The following DZIP1L variants were observed in gnomAD, a reference collection of about 807,000 sequenced individuals.
The protein encoded by DZIP1L is DAZ interacting zinc finger protein 1 like.
In DZIP1L, 90 loss-of-function variants were observed where a neutral mutation model predicts 88.7. The ratio of observed to expected loss-of-function variants is 1.02; its 90% confidence interval spans 0.86 to 1.21. DZIP1L has a LOEUF of 1.21. Among genes scored for constraint, DZIP1L ranks in the 50% most tolerant of loss-of-function variants. The probability of loss-of-function intolerance (pLI) is 0.00; values close to 1 mark genes in which losing one functional copy is unlikely to be tolerated. For missense variants in DZIP1L, 932 were observed against 955.8 expected (o/e 0.98, Z 0.33); for synonymous variants, 363 against 372.1 (o/e 0.98, Z 0.28).
intron 7 of DZIP1L, 141 bp downstream of exon 7, chr3:138,086,820 C>A (rs1943962039): frequency 2.4e-6 from 2 of 846,562 alleles, no homozygotes; most frequent in East Asian, 2.5e-5. Flanking sequence ...GGGACAGTAG[C>A]CAGGAGCAAT....
At chr3:138,072,986 C>G (rs1943249481) in intron 11 of DZIP1L, among the ~76,000 whole-genome samples, 1 of 152,138 alleles carries the variant, frequency 6.6e-6, no homozygotes, top group African/African-American at 2.4e-5. Flanking sequence ...TGGGAACACA[C>G]CCTCATCCCC....
intron 15 of DZIP1L, chr3:138,064,402 C>T (rs766064844): frequency 2.1e-6 from 3 of 1,440,984 alleles, no homozygotes; most frequent in East Asian, 2.7e-5. Flanking sequence ...CTGAGCATTG[C>T]TTATATAATG....
Position 138,062,940 on chromosome 3 carries a change from A to T in DZIP1L, c.2180T>A (p.Leu727Ter). ...GTCCAGGTCCAGAGGAAGATCTTCC[A>T]AGGAGGAGATCTCCAAGTCACTCTC... ...EDESDLEISS[L>*]EDLPLDLDQR... Residue 727 changes from leucine to a stop codon, truncating the protein, a stop_gained, in exon 16 of 16, where the codon TTG (leucine) becomes TAG (stop). Transcript: ENST00000327532. LOFTEE classifies it low-confidence loss of function (END_TRUNC). The T allele has an allele frequency of 1.2e-6, 2 of 1,614,200 alleles. No homozygotes were observed. The highest frequency in any genetic ancestry group is 1.7e-6 in the Non-Finnish European group (2 of 1,180,048).
chr3:138,113,017 A>G (rs921538822), intron 1 of DZIP1L, among the ~76,000 whole-genome samples: 1 of 152,264 alleles, frequency 6.6e-6, no homozygotes, highest in African/African-American at 2.4e-5. Flanking sequence ...ACCTTTAGAT[A>G]TATTGACAGG....
intron 9 of DZIP1L, 37 bp from the exon 10 acceptor site, chr3:138,080,657 C>A: frequency 6.2e-7 from 1 of 1,607,262 alleles, no homozygotes; most frequent in South Asian, 1.1e-5. Flanking sequence ...CACCAGTGCT[C>A]TGGACCCCAT....
intron 12 of DZIP1L, among the ~76,000 whole-genome samples, chr3:138,069,987 G>A (rs1226240282): frequency 2.0e-5 from 3 of 152,244 alleles, no homozygotes; most frequent in African/African-American, 4.8e-5. Flanking sequence ...GGAAGGCTGC[G>A]AAGGGGGCTC....
chr3:138,094,720 G>T (rs1944387709), intron 4 of DZIP1L, 142 bp downstream of exon 4: 1 of 1,332,618 alleles, frequency 7.5e-7, no homozygotes, highest in Non-Finnish European at 1.0e-6. Flanking sequence ...CATTTGCCAT[G>T]TCCAAGAAGG....
intron 11 of DZIP1L, among the ~76,000 whole-genome samples, chr3:138,072,786 C>T (rs1023177874): frequency 1.2e-4 from 19 of 152,146 alleles, no homozygotes; most frequent in African/African-American, 4.6e-4. Context: ...CAGCCCTGGT[C>T]ACTGGCTGCT....
intron 2 of DZIP1L, among the ~76,000 whole-genome samples, 154 bp downstream of exon 2, chr3:138,103,317 G>A (rs1227739833): frequency 2.6e-5 from 4 of 151,962 alleles, no homozygotes; most frequent in African/African-American, 9.7e-5. Flanking sequence ...AGGCTCTCTG[G>A]CCATGAGCAG....
intron 2 of DZIP1L, among the ~76,000 whole-genome samples, chr3:138,101,095 A>G (rs960012199): frequency 2.6e-5 from 4 of 152,096 alleles, no homozygotes; most frequent in Admixed American, 2.6e-4. Context: ...CACACCCTCT[A>G]TAAATACACC....
At chr3:138,074,429 A>G (rs372618803) in intron 11 of DZIP1L, among the ~76,000 whole-genome samples, 1 of 152,338 alleles carries the variant, frequency 6.6e-6, no homozygotes, top group South Asian at 2.1e-4. Flanking sequence ...CAAAACAATT[A>G]TCAGCCAAGA....
intron 5 of DZIP1L, among the ~76,000 whole-genome samples, chr3:138,091,021 T>A (rs987026294): frequency 1.3e-5 from 2 of 151,568 alleles, no homozygotes; most frequent in South Asian, 4.2e-4. Flanking sequence ...GCAGCTGGGA[T>A]TATAGGCACC....
intron 1 of DZIP1L, among the ~76,000 whole-genome samples, chr3:138,114,920 TA>T (rs1378601814): frequency 5.9e-5 from 9 of 152,212 alleles, no homozygotes; most frequent in African/African-American, 2.2e-4. Context: ...ACCTCATTAC[TA>T]AAAGAATCCT....
At chr3:138,088,958 A>C in intron 5 of DZIP1L, 1 of 985,780 alleles carries the variant, frequency 1.0e-6, no homozygotes, top group Non-Finnish European at 1.2e-6. Context: ...GCACAGCTTG[A>C]AGTAGAGTCA....
intron 11 of DZIP1L, among the ~76,000 whole-genome samples, chr3:138,076,839 T>A (rs1943434598): frequency 6.6e-6 from 1 of 151,844 alleles, no homozygotes; most frequent in African/African-American, 2.4e-5. Flanking sequence ...CACCAAAATC[T>A]CAGAAATCAC....
At chr3:138,067,721 A>C (rs1390511579) in intron 13 of DZIP1L, 21 bp from the exon 14 acceptor site, 1 of 1,531,540 alleles carries the variant, frequency 6.5e-7, no homozygotes, top group African/African-American at 1.4e-5. Flanking sequence ...GAGGAGAAGA[A>C]ATGAGGGATG....
intron 2 of DZIP1L, chr3:138,101,848 C>T (rs1393057794): frequency 1.7e-5 from 23 of 1,328,048 alleles, no homozygotes; most frequent in South Asian, 1.4e-4. Flanking sequence ...CTGCTTGGCC[C>T]GCTGCAGGGC....
intron 4 of DZIP1L, among the ~76,000 whole-genome samples, chr3:138,093,302 T>G (rs1415862957): frequency 6.6e-6 from 1 of 152,252 alleles, no homozygotes; most frequent in Non-Finnish European, 1.5e-5. Flanking sequence ...AATCTTTTTT[T>G]TAGCAGTAGA....
chr3:138,093,097 A>T (rs1944309943), intron 4 of DZIP1L, among the ~76,000 whole-genome samples: 2 of 152,230 alleles, frequency 1.3e-5, no homozygotes, highest in South Asian at 4.1e-4. Context: ...ATCACTATCT[A>T]TGACAGCTAT....
Sources: gnomAD v4.1 joint callset for allele counts (sites outside exome capture counted in the v4.1 genomes callset) on GRCh38, gnomAD v4.1.1 for gene constraint, MANE v1.5 for transcripts, NCBI Gene and HGNC (gene_info 2026-07-23, HGNC 2026-07-21) for gene names.